The following NFASC variants were observed in gnomAD, a reference collection of about 807,000 sequenced individuals.
NFASC encodes the protein neurofascin.
NFASC carries 43 observed loss-of-function variants against 147.5 expected under a neutral mutation model. The observed-to-expected ratio is 0.29, with a 90% CI of 0.23 to 0.38. NFASC has a LOEUF of 0.38. Ranked by LOEUF, NFASC falls within the 10% of genes least tolerant of loss-of-function variation. The probability of loss-of-function intolerance (pLI) is 1.00; values close to 1 mark genes in which losing one functional copy is unlikely to be tolerated. For missense variants in NFASC, 1,320 were observed against 1,689.0 expected (o/e 0.78, Z 3.83); for synonymous variants, 622 against 665.5 (o/e 0.93, Z 1.01).
intron 2 of NFASC, among the ~76,000 whole-genome samples, chr1:204,940,735 G>A (rs965521280): frequency 1.1e-4 from 16 of 152,170 alleles, no homozygotes; most frequent in Admixed American, 8.5e-4. Context: ...TTCACCGAGC[G>A]TGTTTTCAGG....
At chr1:205,006,961 AGGT>A (rs1394262229) in intron 27 of NFASC, among the ~76,000 whole-genome samples, 1 of 128,718 alleles carries the variant, frequency 7.8e-6, no homozygotes, top group East Asian at 2.0e-4. Flanking sequence ...AGAGTTAAGG[AGGT>A]GGAGGTCAGC....
intron 1 of NFASC, among the ~76,000 whole-genome samples, chr1:204,915,708 T>A (rs10900432): frequency 0.47 from 72,016 of 151,974 alleles, 17,273 homozygotes; most frequent in Admixed American, 0.56. Flanking sequence ...CTGAGCACAG[T>A]CTAAATATTC....
chr1:204,883,111 T>TA (rs1558568693), intron 1 of NFASC, among the ~76,000 whole-genome samples: 1 of 151,928 alleles, frequency 6.6e-6, no homozygotes, highest in African/African-American at 2.4e-5. Flanking sequence ...AAACAGTAGT[T>TA]ACAAGGAAGG....
intron 3 of NFASC, chr1:204,946,970 A>T (rs2093791008): frequency 5.3e-5 from 19 of 359,558 alleles, no homozygotes; most frequent in South Asian, 3.9e-4. Context: ...GCCCACAAGA[A>T]AGTTTGCTTG....
chr1:204,933,885 C>A (rs189476490), intron 2 of NFASC, among the ~76,000 whole-genome samples: 1 of 152,172 alleles, frequency 6.6e-6, no homozygotes, highest in African/African-American at 2.4e-5. Context: ...CGCCTGTAAT[C>A]CCAGCACTTG....
rs117772531 is a variant in NFASC, at chr1:204,945,391, T to C, written c.91+985T>C. On this transcript the variant is annotated intron_variant, in intron 3 of 29. Transcript: ENST00000339876. The stretch of plus-strand genomic sequence containing the variant: ...TCTGGGGAGGGGGGCAGGAGAGTAA[T>C]ACAAACTCTAAAAAGTCGTCCCTGA... Among the ~76,000 whole-genome samples, 244 of 152,290 alleles carry C rather than the reference T, an allele frequency of 1.6e-3. 6 individuals are homozygous for C. The East Asian group carries it at 0.04, about 25-fold the overall frequency.
chr1:204,870,564 C>G, intron 1 of NFASC: 1 of 620,774 alleles, frequency 1.6e-6, no homozygotes, highest in South Asian at 6.8e-5. Flanking sequence ...CCTTGGGGAG[C>G]CTGGCCCGGC....
intron 2 of NFASC, among the ~76,000 whole-genome samples, chr1:204,927,596 T>C (rs893860614): frequency 6.6e-6 from 1 of 152,100 alleles, no homozygotes; most frequent in African/African-American, 2.4e-5. Flanking sequence ...TACAAAAGTA[T>C]ACTCTATAAA....
chr1:204,897,647 C>T (rs2083640681), intron 1 of NFASC, among the ~76,000 whole-genome samples: 1 of 151,744 alleles, frequency 6.6e-6, no homozygotes. Flanking sequence ...AATCATGGCT[C>T]ACTGCAGCCT....
Position 204,982,045 on chromosome 1 carries a change from C to G in NFASC, c.2470+25C>G, listed in dbSNP as rs750505414. ...TGTGAGTAGTCTCCTCCCCGTCCCC[C>G]CATCAGGACCCTTGTGGCTAGGTCG... On this transcript the variant is annotated intron_variant, in intron 21 of 29. Transcript: ENST00000339876. 5.5e-6 allele frequency: 8 copies of G among 1,456,130 alleles called. No individual in the cohort carries two copies. In the East Asian group the frequency reaches 2.1e-4, roughly 37 times the overall value. 90.2% of individuals were successfully genotyped at this position (1,456,130 alleles called of 1,614,324 possible).
chr1:204,906,896 G>A (rs890772738), intron 1 of NFASC, among the ~76,000 whole-genome samples: 2 of 152,098 alleles, frequency 1.3e-5, no homozygotes, highest in Admixed American at 6.5e-5. Context: ...TGTTAGCCAG[G>A]ATGGTCTGCA....
At chr1:204,874,766 G>A (rs1472725890) in intron 1 of NFASC, among the ~76,000 whole-genome samples, 3 of 152,196 alleles carry the variant, frequency 2.0e-5, no homozygotes, top group African/African-American at 7.2e-5. Flanking sequence ...ATTTAAAGGA[G>A]GGCCCGGTGA....
chr1:204,830,847 T>G (rs1206859467), intron 1 of NFASC, among the ~76,000 whole-genome samples: 1 of 152,204 alleles, frequency 6.6e-6, no homozygotes, highest in African/African-American at 2.4e-5. Context: ...GTCCCTTCTC[T>G]GCAAGGCTTT....
At chr1:204,990,301 C>A (rs1262362072) in intron 23 of NFASC, 1 of 152,302 alleles carries the variant, frequency 6.6e-6, no homozygotes, top group East Asian at 1.9e-4. Flanking sequence ...GTGTGTCTGT[C>A]ACCAAAGGCC....
At chr1:204,836,865 A>G (rs1353001587) in intron 1 of NFASC, among the ~76,000 whole-genome samples, 1 of 152,246 alleles carries the variant, frequency 6.6e-6, no homozygotes, top group Non-Finnish European at 1.5e-5. Context: ...CAGCCCTGGG[A>G]TATGCCCTCG....
At chr1:204,930,931 G>C (rs1266293952) in intron 2 of NFASC, among the ~76,000 whole-genome samples, 1 of 152,114 alleles carries the variant, frequency 6.6e-6, no homozygotes, top group East Asian at 1.9e-4. Context: ...GTCATACCAG[G>C]GCTTGAGGGC....
At chr1:204,832,923 A>G (rs1672650405) in intron 1 of NFASC, among the ~76,000 whole-genome samples, 1 of 152,230 alleles carries the variant, frequency 6.6e-6, no homozygotes, top group South Asian at 2.1e-4. Context: ...TTGGGCACTT[A>G]CAATGCCCAG....
At chr1:204,888,671 G>T (rs2081800910) in intron 1 of NFASC, among the ~76,000 whole-genome samples, 4 of 152,240 alleles carry the variant, frequency 2.6e-5, no homozygotes, top group Admixed American at 1.3e-4. Context: ...AAATGGGATT[G>T]TAATCTAAGG....
chr1:204,860,010 A>G (rs1406575181), intron 1 of NFASC, among the ~76,000 whole-genome samples: 1 of 152,128 alleles, frequency 6.6e-6, no homozygotes, highest in East Asian at 1.9e-4. Context: ...GGATCAGGGA[A>G]GAAAGGGAGG....
Sources: allele counts gnomAD v4.1 joint callset (sites outside exome capture counted in the v4.1 genomes callset), GRCh38; gene constraint gnomAD v4.1.1; transcripts MANE v1.5; gene names NCBI Gene and HGNC (gene_info 2026-07-23, HGNC 2026-07-21).